CYP2C19: variants seen among roughly 807,000 people sequenced by gnomAD.
CYP2C19 encodes cytochrome P450 2C19.
CYP2C19 carries 59 observed loss-of-function variants against 40.9 expected under a neutral mutation model. The ratio of observed to expected loss-of-function variants is 1.44; its 90% confidence interval spans 1.17 to 1.79. CYP2C19 has a LOEUF of 1.79. CYP2C19 is among the 40% of genes most tolerant of loss of function. The pLI is 0.00. For missense variants in CYP2C19, 754 were observed against 596.9 expected (o/e 1.26, Z -2.74); for synonymous variants, 253 against 208.7 (o/e 1.21, Z -1.83).
At chr10:94,850,927 T>C (rs1262856632) in intron 8 of CYP2C19, among the ~76,000 whole-genome samples, 1 of 152,186 alleles carries the variant, frequency 6.6e-6, no homozygotes, top group Admixed American at 6.6e-5. Context: ...GTGAAATGTG[T>C]GTGCTGAGCA....
rs1849689557 is a variant in CYP2C19, at chr10:94,853,689, A to G, written c.*775A>G. Among the ~76,000 whole-genome samples the G allele has an allele frequency of 6.6e-6, 1 of 150,912 alleles. No individual in the cohort carries two copies. Among genetic ancestry groups the G allele is most frequent in the Non-Finnish European group, 1.5e-5 (1 of 67,676 alleles). On this transcript the variant is annotated 3_prime_UTR_variant, in exon 9 of 9. Transcript: ENST00000371321. ...GCCTCCTGAGTAGCTGGGATTACAGACACGTGCCACCATGCCTGGCTAATT... is the reference window on the plus strand; with the variant it reads ...GCCTCCTGAGTAGCTGGGATTACAGGCACGTGCCACCATGCCTGGCTAATT...
chr10:94,845,702 A>G (rs1849563618), intron 7 of CYP2C19, among the ~76,000 whole-genome samples: 1 of 152,162 alleles, frequency 6.6e-6, no homozygotes, highest in Admixed American at 6.6e-5. Context: ...TATTTATTCA[A>G]GTAACATTTG....
At chr10:94,830,241 C>A (rs1251321310) in intron 6 of CYP2C19, among the ~76,000 whole-genome samples, 1 of 152,232 alleles carries the variant, frequency 6.6e-6, no homozygotes, top group African/African-American at 2.4e-5. Flanking sequence ...ATGGCGGGCG[C>A]CCCTCCCCCA....
chr10:94,828,702 CA>C (rs1427891933), intron 6 of CYP2C19, among the ~76,000 whole-genome samples: 1 of 151,308 alleles, frequency 6.6e-6, no homozygotes, highest in Non-Finnish European at 1.5e-5. Context: ...TTGATCCTGT[CA>C]TTATGATGTT....
At chr10:94,826,389 G>C (rs1344224133) in intron 6 of CYP2C19, among the ~76,000 whole-genome samples, 2 of 152,046 alleles carry the variant, frequency 1.3e-5, no homozygotes, top group African/African-American at 4.8e-5. Flanking sequence ...TTGTAAGTTG[G>C]ATTCCTAGGT....
rs79130459 is a variant in CYP2C19, at chr10:94,802,041, A to T, written c.820-18455A>T. Among the ~76,000 whole-genome samples, 88 of 152,226 alleles carry T rather than the reference A, an allele frequency of 5.8e-4. No individual in the cohort carries two copies. In the East Asian group the frequency reaches 0.015, roughly 25 times the overall value. ...CTGCTGGCTGAGGTGGCCAGCTTTTATTCCCTTATTTGTCCCCACCCATGT... is the reference window on the plus strand; with the variant it reads ...CTGCTGGCTGAGGTGGCCAGCTTTTTTTCCCTTATTTGTCCCCACCCATGT... On this transcript the variant is annotated intron_variant, in intron 5 of 8. Transcript: ENST00000371321.
chr10:94,794,473 C>T (rs545870876), intron 5 of CYP2C19, among the ~76,000 whole-genome samples: 7 of 152,228 alleles, frequency 4.6e-5, no homozygotes, highest in East Asian at 1.9e-4. Flanking sequence ...TCTTCCTATT[C>T]GGCCACCTTG....
intron 7 of CYP2C19, among the ~76,000 whole-genome samples, chr10:94,849,637 C>A (rs1223929753): frequency 8.2e-6 from 1 of 121,512 alleles, no homozygotes; most frequent in Admixed American, 9.1e-5. Context: ...CCCCCTCCCC[C>A]CACCCCACAA....
intron 6 of CYP2C19, among the ~76,000 whole-genome samples, chr10:94,836,611 T>G (rs1849407390): frequency 6.6e-6 from 1 of 152,232 alleles, no homozygotes; most frequent in Non-Finnish European, 1.5e-5. Context: ...AGAAACCTGT[T>G]ATGCCAAGGA....
At chr10:94,813,809 G>C (rs1379095702) in intron 5 of CYP2C19, among the ~76,000 whole-genome samples, 5 of 151,260 alleles carry the variant, frequency 3.3e-5, no homozygotes, top group African/African-American at 1.2e-4. Context: ...CTGACTTGCT[G>C]GTGTTACAGC....
At chr10:94,831,747 A>G (rs1038020958) in intron 6 of CYP2C19, among the ~76,000 whole-genome samples, 4 of 152,000 alleles carry the variant, frequency 2.6e-5, no homozygotes, top group Admixed American at 1.3e-4. Flanking sequence ...TGTGGACTTG[A>G]TTATTAGATT....
In CYP2C19 at chr10:94,779,105, G is replaced by A. The variant is rs140308159; in HGVS notation, c.482-1394G>A. Among the ~76,000 whole-genome samples the A allele has an allele frequency of 2.9e-4, 44 of 152,038 alleles. No homozygotes were observed. In the East Asian group the frequency reaches 8.1e-3, roughly 28 times the overall value. On this transcript the variant is annotated intron_variant, in intron 3 of 8. Coordinates refer to ENST00000371321, the MANE Select transcript of CYP2C19 (RefSeq NM_000769.4). ...AGGAAGGGTAACATCACACACCAGG[G>A]CCTGTTGAGGGGTTGGGGGGCAAGG... is the stretch of plus-strand genomic sequence containing the variant.
chr10:94,825,926 A>C (rs2134273016), intron 6 of CYP2C19, among the ~76,000 whole-genome samples: 1 of 151,848 alleles, frequency 6.6e-6, no homozygotes, highest in East Asian at 1.9e-4. Flanking sequence ...TCCTTTCTCC[A>C]TTGCTTGTTT....
intron 5 of CYP2C19, among the ~76,000 whole-genome samples, chr10:94,792,893 G>A (rs1314672455): frequency 6.6e-6 from 1 of 152,156 alleles, no homozygotes; most frequent in African/African-American, 2.4e-5. Context: ...GAATGTGAAT[G>A]TTGGCCTCTC....
chr10:94,812,520 G>T (rs1320271181), intron 5 of CYP2C19, among the ~76,000 whole-genome samples: 1 of 152,126 alleles, frequency 6.6e-6, no homozygotes, highest in Admixed American at 6.5e-5. Flanking sequence ...CCAATCAAAC[G>T]TAGATTTGGT....
intron 1 of CYP2C19, among the ~76,000 whole-genome samples, chr10:94,773,488 G>A (rs573829445): frequency 2.0e-5 from 3 of 152,244 alleles, no homozygotes; most frequent in East Asian, 3.9e-4. Flanking sequence ...CTCCTGGTGG[G>A]TTCATGGTCT....
intron 1 of CYP2C19, among the ~76,000 whole-genome samples, chr10:94,772,721 A>G (rs530695242): frequency 6.6e-6 from 1 of 152,324 alleles, no homozygotes; most frequent in East Asian, 1.9e-4. Context: ...GGGGATTGTT[A>G]GAGAGCCCTT....
At chr10:94,775,319 T>A in intron 2 of CYP2C19, 71 bp from the exon 3 acceptor site, 28 of 1,612,414 alleles carry the variant, frequency 1.7e-5, no homozygotes, top group Non-Finnish European at 2.4e-5. Flanking sequence ...CCCATCCACA[T>A]GGCTGCCCAG....
At chr10:94,781,610 A>C (rs548530129) in intron 4 of CYP2C19, among the ~76,000 whole-genome samples, 44 of 152,204 alleles carry the variant, frequency 2.9e-4, no homozygotes, top group African/African-American at 1.0e-3. Context: ...CTAGGAAATG[A>C]TTATCATCTT....
Sources: allele counts gnomAD v4.1 joint callset (sites outside exome capture counted in the v4.1 genomes callset), GRCh38; gene constraint gnomAD v4.1.1; transcripts MANE v1.5; gene names NCBI Gene and HGNC (gene_info 2026-07-23, HGNC 2026-07-21).